GPR37L1: variants seen among roughly 807,000 people sequenced by gnomAD.
GPR37L1 encodes the protein G protein-coupled receptor 37 like 1.
In GPR37L1, 18 loss-of-function variants were observed where a neutral mutation model predicts 18.0. That is an observed-to-expected ratio of 1.00 (90% CI 0.69 to 1.49). The LOEUF (loss-of-function observed/expected upper bound fraction) is 1.49, where lower values mean the gene tolerates loss of function less well. GPR37L1 is among the 40% of genes most tolerant of loss of function. The probability of loss-of-function intolerance (pLI) is 0.00; values close to 1 mark genes in which losing one functional copy is unlikely to be tolerated. For missense variants in GPR37L1, 558 were observed against 615.1 expected (o/e 0.91, Z 0.98); for synonymous variants, 256 against 273.9 (o/e 0.93, Z 0.65).
In GPR37L1 at chr1:202,133,131, T is replaced by G. The variant is rs1325568681; in HGVS notation, c.*4575T>G. The G allele has an allele frequency of 6.6e-6, 1 of 152,394 alleles. No homozygotes were observed. The highest frequency in any genetic ancestry group is 2.4e-5 in the African/African-American group (1 of 41,462). 9.4% of individuals were successfully genotyped at this position (152,394 alleles called of 1,614,324 possible). On this transcript the variant is annotated 3_prime_UTR_variant, in exon 2 of 2. Transcript: ENST00000367282. ...CTCTACCCAGCCCTGGGCAGTTCCC[T>G]CAACAGAGCTCTGCAGCCCCAAGTG...
intron 1 of GPR37L1, among the ~76,000 whole-genome samples, chr1:202,126,972 A>T (rs1048787461): frequency 6.6e-6 from 1 of 152,102 alleles, no homozygotes; most frequent in Non-Finnish European, 1.5e-5. Context: ...CTATGTCTTT[A>T]TCTTGGTTCT....
chr1:202,126,399 C>T (rs11581381), intron 1 of GPR37L1, among the ~76,000 whole-genome samples: 7,829 of 150,894 alleles, frequency 0.052, 270 homozygotes, highest in Non-Finnish European at 0.078. Flanking sequence ...CAGAGTGAGA[C>T]TCTCGGAAAA....
chr1:202,128,443 G>T lies in GPR37L1; in HGVS notation c.1333G>T (p.Ala445Ser). ...TGAGGAGTGCGGCGGGGCTTCGGAG[G>T]CCTCTGCTGCCAATGGGTCGGACAA... ...CCEECGGASEASAANGSDNKL... is the reference protein window; with the variant it reads ...CCEECGGASESSAANGSDNKL... Residue 445 changes from alanine (A) to serine (S), a missense_variant, in exon 2 of 2, where the codon GCC (alanine) becomes TCC (serine). Transcript: ENST00000367282. The T allele has an allele frequency of 1.2e-6, 2 of 1,610,296 alleles. No homozygotes were observed. The highest frequency in any genetic ancestry group is 1.7e-6 in the Non-Finnish European group (2 of 1,178,398).
At position 202,132,881 on chromosome 1, in the gene GPR37L1, G is replaced by T. The variant is rs984705299; in HGVS notation, c.*4325G>T. 1 of 152,456 alleles carries T rather than the reference G, an allele frequency of 6.6e-6. No homozygotes were observed. The highest frequency in any genetic ancestry group is 1.5e-5 in the Non-Finnish European group (1 of 68,284). The allele number at this position is 152,456 out of a possible 1,614,324, so 9.4% of individuals were successfully genotyped here. A position where few individuals can be genotyped will look rare whatever the true frequency, so the allele number is the denominator to read the frequency against. On this transcript the variant is annotated 3_prime_UTR_variant, in exon 2 of 2. Coordinates refer to ENST00000367282, the MANE Select transcript of GPR37L1 (RefSeq NM_004767.5). ...CACTAACTGAGAGGCAGCAAAGGCG[G>T]TGACACTCCCCCAGGCTCTGTGGGC...
At position 202,130,441 on chromosome 1, in the gene GPR37L1, C is replaced by T. The variant is rs1315218270; in HGVS notation, c.*1885C>T. On this transcript the variant is annotated 3_prime_UTR_variant, in exon 2 of 2. Transcript: ENST00000367282. ...CTCAGCCTGCCCTGTACCCAAGCTT[C>T]CCTCCCCCTCTCCTGGGGATCTTAA... 6.6e-6 allele frequency: 1 copy of T among 152,432 alleles called. No homozygotes were observed. The highest frequency in any genetic ancestry group is 6.5e-5 in the Admixed American group (1 of 15,288). 9.4% of individuals were successfully genotyped at this position (152,432 alleles called of 1,614,324 possible). A position where few individuals can be genotyped will look rare whatever the true frequency, so the allele number is the denominator to read the frequency against.
At position 202,126,726 on chromosome 1, in the gene GPR37L1, C is replaced by T. The variant is rs147642203; in HGVS notation, c.631-1015C>T. On this transcript the variant is annotated intron_variant, in intron 1 of 1. Transcript: ENST00000367282. ...TTGGCTCACAGGGTGGTTTTCCACGCGCTTGATGAATAGAGTGCGGGCATG... is the reference window on the plus strand; with the variant it reads ...TTGGCTCACAGGGTGGTTTTCCACGTGCTTGATGAATAGAGTGCGGGCATG... Among the ~76,000 whole-genome samples, 11 of 152,206 alleles carry T rather than the reference C, an allele frequency of 7.2e-5. No individual in the cohort carries two copies. The East Asian group carries it at 1.4e-3, about 19-fold the overall frequency.
chr1:202,130,809 G>A lies in GPR37L1; in HGVS notation c.*2253G>A, dbSNP rs1481755516. 6.6e-6 allele frequency: 1 copy of A among 152,310 alleles called. No homozygotes were observed. The highest frequency in any genetic ancestry group is 1.5e-5 in the Non-Finnish European group (1 of 68,116). 9.4% of individuals were successfully genotyped at this position (152,310 alleles called of 1,614,324 possible). ...AGCTTCCTAAGGGATGCAGGAAGGG[G>A]CCGGGTGAACTGAGGTGAAGTCCAG... On this transcript the variant is annotated 3_prime_UTR_variant, in exon 2 of 2. Transcript: ENST00000367282.
chr1:202,125,022 G>A (rs1654619892), intron 1 of GPR37L1, among the ~76,000 whole-genome samples: 1 of 151,938 alleles, frequency 6.6e-6, no homozygotes, highest in South Asian at 2.1e-4. Context: ...AAAATTAGCC[G>A]GGTGTGGTGG....
rs188504402 is a variant in GPR37L1, at chr1:202,131,405, C to T, written c.*2849C>T. 16 of 152,328 alleles carry T rather than the reference C, an allele frequency of 1.1e-4. No homozygotes were observed. In the East Asian group the frequency reaches 2.9e-3, roughly 28 times the overall value. The allele number at this position is 152,328 out of a possible 1,614,324, so 9.4% of individuals were successfully genotyped here. ...TATGGTCATTTAATGAGACAAGATA[C>T]ATAAAGCACTTTGCATGGTGCCCCG... On this transcript the variant is annotated 3_prime_UTR_variant, in exon 2 of 2. Transcript: ENST00000367282.
At position 202,131,288 on chromosome 1, in the gene GPR37L1, C is replaced by T. The variant is rs949575291; in HGVS notation, c.*2732C>T. 2.0e-5 allele frequency: 3 copies of T among 152,380 alleles called. No homozygotes were observed. The East Asian group carries it at 5.8e-4, about 29-fold the overall frequency. 9.4% of individuals were successfully genotyped at this position (152,380 alleles called of 1,614,324 possible). On this transcript the variant is annotated 3_prime_UTR_variant, in exon 2 of 2. Coordinates refer to ENST00000367282, the MANE Select transcript of GPR37L1 (RefSeq NM_004767.5). ...CTGCTCCACTTGGGAGTCACCTTCT[C>T]ATCACCTATCCTGGAACTGAATGCA...
Position 202,133,574 on chromosome 1 carries a change from A to G in GPR37L1, c.*5018A>G, listed in dbSNP as rs1354893163. Reference sequence around the variant, plus strand: ...ATCATTAAATTAAACAAATAAACAAACAGAACCCAAAGAACCAACCCCCCA... The same window carrying G: ...ATCATTAAATTAAACAAATAAACAAGCAGAACCCAAAGAACCAACCCCCCA... On this transcript the variant is annotated 3_prime_UTR_variant, in exon 2 of 2. Transcript: ENST00000367282. The G allele has an allele frequency of 1.3e-5, 2 of 152,116 alleles. No homozygotes were observed. The highest frequency in any genetic ancestry group is 2.9e-5 in the Non-Finnish European group (2 of 68,022). The allele number at this position is 152,116 out of a possible 1,614,324, so 9.4% of individuals were successfully genotyped here. A position where few individuals can be genotyped will look rare whatever the true frequency, so the allele number is the denominator to read the frequency against.
At position 202,128,095 on chromosome 1, in the gene GPR37L1, C is replaced by T. The variant is rs749101816; in HGVS notation, c.985C>T (p.Gln329Ter). 8.1e-6 allele frequency: 13 copies of T among 1,614,014 alleles called. No homozygotes were observed. ...CLPILFTVTC[Q>*]LVTWRVRGPP... ...GCCCATCCTCTTCACAGTCACCTGC[C>T]AGCTGGTGACATGGCGGGTGCGAGG... Residue 329 changes from glutamine to a stop codon, truncating the protein, a stop_gained, in exon 2 of 2, where the codon CAG becomes TAG. Transcript: ENST00000367282. LOFTEE classifies it low-confidence loss of function (END_TRUNC).
In GPR37L1 at chr1:202,123,424, T is replaced by A. The variant is rs1391547715; in HGVS notation, c.461T>A (p.Ile154Asn). The change falls in exon 1 of 2, where the codon ATC becomes AAC. Residue 154 changes from isoleucine (I) to asparagine (N), a missense_variant. Transcript: ENST00000367282. ...GIVGNLSVMC[I>N]VWHSYYLKSA... ...GTGGGCAACCTGTCGGTCATGTGCA[T>A]CGTGTGGCACAGCTACTACCTGAAG... The A allele has an allele frequency of 2.5e-6, 4 of 1,614,106 alleles. No individual in the cohort carries two copies. The highest frequency in any genetic ancestry group is 3.4e-6 in the Non-Finnish European group (4 of 1,180,008).
In GPR37L1 at chr1:202,123,399, G is replaced by A. The variant is rs755810635; in HGVS notation, c.436G>A (p.Val146Met). 2.5e-6 allele frequency: 4 copies of A among 1,614,082 alleles called. No individual in the cohort carries two copies. The highest frequency in any genetic ancestry group is 3.4e-6 in the Non-Finnish European group (4 of 1,180,036). The change falls in exon 1 of 2, where the codon GTG (valine) becomes ATG (methionine). Residue 146 changes from valine (V) to methionine (M), a missense_variant. Physicochemically the swap from Val to Met is conservative, Grantham distance 21 (BLOSUM62 1). Transcript: ENST00000367282. Reference sequence around the variant, plus strand: ...GCTGGTGGTGTTTGCGGTGGGCATTGTGGGCAACCTGTCGGTCATGTGCAT... The same window carrying A: ...GCTGGTGGTGTTTGCGGTGGGCATTATGGGCAACCTGTCGGTCATGTGCAT... ...LALVVFAVGI[V>M]GNLSVMCIVW...
In GPR37L1 at chr1:202,128,467, A is replaced by G; in HGVS notation, c.1357A>G (p.Asn453Asp). Residue 453 changes from asparagine (N) to aspartate (D), a missense_variant, in exon 2 of 2, where the codon AAC becomes GAC. Coordinates refer to ENST00000367282, the MANE Select transcript of GPR37L1 (RefSeq NM_004767.5). ...SEASAANGSD[N>D]KLKTEVSSSI... Reference sequence around the variant, plus strand: ...GGCCTCTGCTGCCAATGGGTCGGACAACAAGCTCAAGACCGAGGTGTCCTC... The same window carrying G: ...GGCCTCTGCTGCCAATGGGTCGGACGACAAGCTCAAGACCGAGGTGTCCTC... 2.5e-6 allele frequency: 4 copies of G among 1,610,470 alleles called. No homozygotes were observed. Among genetic ancestry groups the G allele is most frequent in the Non-Finnish European group, 3.4e-6 (4 of 1,178,380 alleles).
At chr1:202,126,095 G>C (rs1654651782) in intron 1 of GPR37L1, among the ~76,000 whole-genome samples, 1 of 152,068 alleles carries the variant, frequency 6.6e-6, no homozygotes, top group South Asian at 2.1e-4. Context: ...AATAAAACTT[G>C]AGATATTTTT....
Position 202,128,519 on chromosome 1 carries a change from A to G in GPR37L1, c.1409A>G (p.Glu470Gly). 3 of 1,558,796 alleles carry G rather than the reference A, an allele frequency of 1.9e-6. No homozygotes were observed. The highest frequency in any genetic ancestry group is 2.6e-6 in the Non-Finnish European group (3 of 1,146,752). ...TCCATCTACTTCCACAAGCCCAGGG[A>G]GTCACCCCCACTCCTGCCCCTGGGC... ...SSSIYFHKPRESPPLLPLGTP... is the reference protein window; with the variant it reads ...SSSIYFHKPRGSPPLLPLGTP... Residue 470 changes from glutamate (E) to glycine (G), a missense_variant, in exon 2 of 2, where the codon GAG (glutamate) becomes GGG (glycine). Physicochemically the swap from Glu to Gly is moderately conservative, Grantham distance 98 (BLOSUM62 -2). Transcript: ENST00000367282.
At position 202,129,251 on chromosome 1, in the gene GPR37L1, T is replaced by G. The variant is rs1357207026; in HGVS notation, c.*695T>G. On this transcript the variant is annotated 3_prime_UTR_variant, in exon 2 of 2. Transcript: ENST00000367282. ...GTTGAACTCCTGACCTCAAGTGATC[T>G]GCCTGCCTTGGCCTCCCAAAGTGCT... The G allele has an allele frequency of 1.3e-5, 2 of 152,518 alleles. No individual in the cohort carries two copies. The highest frequency in any genetic ancestry group is 4.8e-5 in the African/African-American group (2 of 41,400). 9.4% of individuals were successfully genotyped at this position (152,518 alleles called of 1,614,324 possible).
rs1476986562 is a variant in GPR37L1 at position 202,130,166 on chromosome 1, C to A, written c.*1610C>A. 1 of 152,340 alleles carries A rather than the reference C, an allele frequency of 6.6e-6. No homozygotes were observed. Among genetic ancestry groups the A allele is most frequent in the Non-Finnish European group, 1.5e-5 (1 of 68,142 alleles). 9.4% of individuals were successfully genotyped at this position (152,340 alleles called of 1,614,324 possible). A position where few individuals can be genotyped will look rare whatever the true frequency, so the allele number is the denominator to read the frequency against. Reference sequence around the variant, plus strand: ...GTAGGTCCCTGGGAAGCTGGCACAGCATCAACCAGAAGTGATGCCTCAGCC... The same window carrying A: ...GTAGGTCCCTGGGAAGCTGGCACAGAATCAACCAGAAGTGATGCCTCAGCC... On this transcript the variant is annotated 3_prime_UTR_variant, in exon 2 of 2. Coordinates refer to ENST00000367282, the MANE Select transcript of GPR37L1 (RefSeq NM_004767.5).
Sources: allele counts gnomAD v4.1 joint callset (sites outside exome capture counted in the v4.1 genomes callset), GRCh38; gene constraint gnomAD v4.1.1; transcripts MANE v1.5; gene names NCBI Gene and HGNC (gene_info 2026-07-23, HGNC 2026-07-21).